ADAMTSL1: variants seen among roughly 807,000 people sequenced by gnomAD.
ADAMTSL1 encodes the protein ADAMTS like 1.
A neutral mutation model predicts 201.8 loss-of-function variants in ADAMTSL1; 126 were observed. The ratio of observed to expected loss-of-function variants is 0.62; its 90% CI spans 0.54 to 0.72. The LOEUF (loss-of-function observed/expected upper bound fraction) is 0.72. Ranked by LOEUF, ADAMTSL1 falls within the 30% of genes least tolerant of loss-of-function variation. The probability of loss-of-function intolerance (pLI) is 0.00; values close to 1 mark genes in which losing one functional copy is unlikely to be tolerated. For synonymous variants in ADAMTSL1, 1,121 were observed against 903.4 expected (o/e 1.24, Z -4.32); for missense variants, 2,679 against 2,277.8 (o/e 1.18, Z -3.59).
chr9:18,626,907 CT>C (rs1398523142), intron 5 of ADAMTSL1, among the ~76,000 whole-genome samples: 4 of 136,714 alleles, frequency 2.9e-5, no homozygotes, highest in South Asian at 4.8e-4. Flanking sequence ...TCCTTTCTTT[CT>C]TTTCTTTTTT....
chr9:17,955,184 G>A (rs1382073640), intron 1 of ADAMTSL1, among the ~76,000 whole-genome samples: 3 of 152,040 alleles, frequency 2.0e-5, no homozygotes, highest in African/African-American at 7.2e-5. Flanking sequence ...TAATAATACA[G>A]AAGGGCCTGC....
chr9:18,104,495 C>T (rs1000137799), intron 1 of ADAMTSL1, among the ~76,000 whole-genome samples: 2 of 152,152 alleles, frequency 1.3e-5, no homozygotes, highest in Non-Finnish European at 2.9e-5. Flanking sequence ...TGCCCATAAC[C>T]TGCAGGTGGC....
At chr9:18,876,038 T>C (rs2131483767) in intron 23 of ADAMTSL1, among the ~76,000 whole-genome samples, 1 of 152,298 alleles carries the variant, frequency 6.6e-6, no homozygotes, top group East Asian at 1.9e-4. Context: ...AAGTCTGTTT[T>C]GTCTGGTATA....
intron 2 of ADAMTSL1, among the ~76,000 whole-genome samples, chr9:18,224,459 C>G (rs1830372592): frequency 6.6e-6 from 1 of 152,152 alleles, no homozygotes; most frequent in East Asian, 1.9e-4. Flanking sequence ...CACTATTGCA[C>G]TGGAGATTAC....
At chr9:18,386,682 G>GA (rs1837806611) in intron 2 of ADAMTSL1, among the ~76,000 whole-genome samples, 1 of 152,028 alleles carries the variant, frequency 6.6e-6, no homozygotes, top group Non-Finnish European at 1.5e-5. Flanking sequence ...TTCACTTTGT[G>GA]ACATTTTAAT....
chr9:18,466,924 C>A (rs1329716835), intron 2 of ADAMTSL1, among the ~76,000 whole-genome samples: 3 of 152,092 alleles, frequency 2.0e-5, no homozygotes, highest in African/African-American at 7.2e-5. Context: ...AATTTCATTT[C>A]ATTTTTGATC....
intron 2 of ADAMTSL1, among the ~76,000 whole-genome samples, chr9:18,226,843 TAATG>T (rs1830449259): frequency 1.3e-5 from 2 of 152,180 alleles, no homozygotes; most frequent in Admixed American, 6.6e-5. Flanking sequence ...TTAATAATAG[TAATG>T]AATAATAATC....
chr9:18,784,816 G>A (rs1821604968), intron 19 of ADAMTSL1, among the ~76,000 whole-genome samples: 2 of 152,128 alleles, frequency 1.3e-5, no homozygotes, highest in South Asian at 4.1e-4. Context: ...TACCGATATT[G>A]GAGTTGAAGC....
At chr9:18,641,333 C>T (rs1827422472) in intron 7 of ADAMTSL1, among the ~76,000 whole-genome samples, 2 of 151,992 alleles carry the variant, frequency 1.3e-5, no homozygotes, top group Admixed American at 6.6e-5. Context: ...TAAGAAGAAC[C>T]TAATAAGCAC....
chr9:18,027,328 A>G (rs1820745142), intron 1 of ADAMTSL1, among the ~76,000 whole-genome samples: 1 of 151,656 alleles, frequency 6.6e-6, no homozygotes, highest in Non-Finnish European at 1.5e-5. Context: ...AGATCTTTCT[A>G]ACTTCTTGAT....
chr9:18,826,534 C>T, intron 22 of ADAMTSL1, 71 bp downstream of exon 22: 3 of 1,512,478 alleles, frequency 2.0e-6, no homozygotes, highest in Non-Finnish European at 2.7e-6. Context: ...CCCTCTACCT[C>T]CTTTGTGCCC....
At chr9:18,553,988 A>G (rs541502007) in intron 3 of ADAMTSL1, among the ~76,000 whole-genome samples, 3 of 151,828 alleles carry the variant, frequency 2.0e-5, no homozygotes, top group African/African-American at 4.8e-5. Context: ...TGTAATTCAC[A>G]TTTCTTAGTC....
At chr9:18,053,539 A>T (rs926716936) in intron 1 of ADAMTSL1, among the ~76,000 whole-genome samples, 1 of 152,234 alleles carries the variant, frequency 6.6e-6, no homozygotes, top group Non-Finnish European at 1.5e-5. Flanking sequence ...ATAATCACAC[A>T]ACATATTCCA....
Position 18,753,491 on chromosome 9 carries a change from C to T in ADAMTSL1, c.2200C>T (p.Pro734Ser). 6.2e-7 allele frequency: 1 copy of T among 1,612,406 alleles called. No individual in the cohort carries two copies. Among genetic ancestry groups the T allele is most frequent in the Non-Finnish European group, 8.5e-7 (1 of 1,179,642 alleles). ...NRFNCPPAWY[P>S]AQWQPCSRTC... is the part of the protein sequence containing the mutation. Reference sequence around the variant, plus strand: ...CTTTAATTGCCCCCCAGCCTGGTACCCTGCACAGTGGCAGCCGGTGAGTTC... The same window carrying T: ...CTTTAATTGCCCCCCAGCCTGGTACTCTGCACAGTGGCAGCCGGTGAGTTC... Residue 734 changes from proline (P) to serine (S), a missense_variant, in exon 16 of 29, where the codon CCT (proline) becomes TCT (serine). By Grantham distance (74) the Pro-to-Ser change is moderately conservative. Transcript: ENST00000380548.
chr9:18,120,991 A>G (rs925262580), intron 1 of ADAMTSL1, among the ~76,000 whole-genome samples: 1 of 152,066 alleles, frequency 6.6e-6, no homozygotes, highest in African/African-American at 2.4e-5. Flanking sequence ...TGGAAGTCAT[A>G]CCAAAGCTTT....
intron 23 of ADAMTSL1, among the ~76,000 whole-genome samples, chr9:18,866,205 C>G (rs190739118): frequency 2.4e-4 from 35 of 148,108 alleles, no homozygotes; most frequent in African/African-American, 8.8e-4. Context: ...GCCAGGTTTT[C>G]TCATTAGCAG....
intron 1 of ADAMTSL1, among the ~76,000 whole-genome samples, chr9:18,027,891 C>T (rs1309058011): frequency 6.6e-6 from 1 of 151,996 alleles, no homozygotes; most frequent in Non-Finnish European, 1.5e-5. Flanking sequence ...AATCTGGGTG[C>T]TCCAATGATG....
intron 3 of ADAMTSL1, among the ~76,000 whole-genome samples, chr9:18,538,503 A>G (rs2083530719): frequency 6.6e-6 from 1 of 152,086 alleles, no homozygotes; most frequent in Non-Finnish European, 1.5e-5. Context: ...TCTGGGCTAT[A>G]CTAGATTTGG....
intron 2 of ADAMTSL1, among the ~76,000 whole-genome samples, chr9:18,309,116 G>A (rs1274902732): frequency 3.3e-5 from 5 of 151,870 alleles, no homozygotes; most frequent in African/African-American, 4.8e-5. Context: ...GCAGAAAAAA[G>A]CCTTGGATAA....
Sources: allele counts gnomAD v4.1 joint callset (sites outside exome capture counted in the v4.1 genomes callset), GRCh38; gene constraint gnomAD v4.1.1; transcripts MANE v1.5; gene names NCBI Gene and HGNC (gene_info 2026-07-23, HGNC 2026-07-21).